The following AKAP7 variants were observed in gnomAD, a reference collection of about 807,000 sequenced individuals.
AKAP7 encodes the protein A kinase (PRKA) anchor protein 7.
Under a neutral mutation model 39.5 loss-of-function variants are expected in AKAP7, and 39 were observed. That is an observed-to-expected ratio of 0.99 (90% CI 0.76 to 1.29). The LOEUF (loss-of-function observed/expected upper bound fraction) is 1.29. AKAP7 is among the 50% of genes most tolerant of loss of function. The pLI is 0.00. For synonymous variants in AKAP7, 140 were observed against 139.1 expected, an observed-to-expected ratio of 1.01 and a Z score of -0.05; for missense variants, 414 against 407.7, an observed-to-expected ratio of 1.02 and a Z score of -0.13.
chr6:131,142,339 T>A (rs1054160676), intron 1 of AKAP7, among the ~76,000 whole-genome samples: 5 of 152,216 alleles, frequency 3.3e-5, no homozygotes, highest in Non-Finnish European at 5.9e-5. Flanking sequence ...AGGGGCATGC[T>A]GCCATGTGCA....
At chr6:131,232,974 G>A (rs1810751316) in intron 7 of AKAP7, among the ~76,000 whole-genome samples, 1 of 144,492 alleles carries the variant, frequency 6.9e-6, no homozygotes, top group Admixed American at 7.0e-5. Flanking sequence ...TTCCTTATTG[G>A]CGTGTGATCA....
At position 131,281,425 on chromosome 6, in the gene AKAP7, A is replaced by G. The variant is rs1482003839; in HGVS notation, c.851-105A>G. ...CACTGTTCTTGAATTTATAGATCCA[A>G]TTTACACTTGCTCTTTTTAACCAAT... On this transcript the variant is annotated intron_variant, in intron 7 of 7. Coordinates refer to ENST00000431975, the MANE Select transcript of AKAP7 (RefSeq NM_016377.4). This position sits in a 1 kb window ranked among gnomAD's most constrained non-coding sequence, Gnocchi z 4.0. 2.1e-5 allele frequency: 19 copies of G among 914,102 alleles called. No homozygotes were observed. In the East Asian group the frequency reaches 3.1e-4, roughly 15 times the overall value. 56.6% of individuals were successfully genotyped at this position (914,102 alleles called of 1,614,324 possible).
At chr6:131,145,587 C>T (rs1241463889) in intron 2 of AKAP7, among the ~76,000 whole-genome samples, 171 bp downstream of exon 2, 2 of 152,150 alleles carry the variant, frequency 1.3e-5, no homozygotes, top group Non-Finnish European at 1.5e-5. Context: ...CTTGCTCTGT[C>T]ATCTAGGCTG....
chr6:131,264,111 C>T (rs3777490), intron 7 of AKAP7, among the ~76,000 whole-genome samples: 17,682 of 151,962 alleles, frequency 0.12, 1,180 homozygotes, highest in Admixed American at 0.19. Context: ...GGGATTTAAC[C>T]AAAAAGGAAT....
At chr6:131,133,406 T>C (rs1800369698), upstream of AKAP7, among the ~76,000 whole-genome samples, 1 of 152,250 alleles carries the variant, frequency 6.6e-6, no homozygotes, top group Non-Finnish European at 1.5e-5. Context: ...TCTTTGCTTT[T>C]TGGCACAAGA....
chr6:131,278,445 A>T (rs937451098), intron 7 of AKAP7, among the ~76,000 whole-genome samples: 9 of 152,198 alleles, frequency 5.9e-5, no homozygotes, highest in African/African-American at 2.2e-4. Context: ...GTGGAGGCTC[A>T]TCAGTTCCAG....
chr6:131,234,948 C>T (rs1480087611), intron 7 of AKAP7, among the ~76,000 whole-genome samples: 1 of 151,672 alleles, frequency 6.6e-6, no homozygotes, highest in African/African-American at 2.4e-5. Flanking sequence ...GGTACATGTG[C>T]ACAACGTGCA....
the AKAP7 span, among the ~76,000 whole-genome samples, chr6:131,127,663 A>G: frequency 6.6e-6 from 1 of 152,248 alleles, no homozygotes; most frequent in South Asian, 2.1e-4. Context: ...AAATGTTTTC[A>G]GTATATATGA....
chr6:131,161,001 GA>G (rs978663944), intron 3 of AKAP7, among the ~76,000 whole-genome samples: 1 of 148,064 alleles, frequency 6.8e-6, no homozygotes, highest in African/African-American at 2.5e-5. Context: ...GCCCAATTAC[GA>G]GCCAGATTTG....
intron 7 of AKAP7, among the ~76,000 whole-genome samples, chr6:131,252,284 A>G (rs987939126): frequency 2.6e-5 from 4 of 152,218 alleles, no homozygotes; most frequent in African/African-American, 4.8e-5. Flanking sequence ...ATAGAACTCT[A>G]TATCTGAAAT....
intron 7 of AKAP7, among the ~76,000 whole-genome samples, chr6:131,247,352 GTCTC>G (rs1324105764): frequency 1.6e-5 from 2 of 126,160 alleles, no homozygotes; most frequent in Admixed American, 1.8e-4. Flanking sequence ...CCGAGATGGA[GTCTC>G]TCTCTGTCAC....
At chr6:131,183,439 C>T (rs1396079319) in intron 5 of AKAP7, among the ~76,000 whole-genome samples, 1 of 152,052 alleles carries the variant, frequency 6.6e-6, no homozygotes, top group Admixed American at 6.5e-5. Flanking sequence ...TGCCCAGGTC[C>T]AGGAAGAACA....
intron 5 of AKAP7, among the ~76,000 whole-genome samples, chr6:131,197,349 C>T (rs768377513): frequency 6.6e-6 from 1 of 152,126 alleles, no homozygotes; most frequent in Non-Finnish European, 1.5e-5. Context: ...ATTGCTGGCT[C>T]AAAATGCTTG....
At chr6:131,221,684 C>G (rs1475087342) in intron 7 of AKAP7, among the ~76,000 whole-genome samples, 3 of 152,174 alleles carry the variant, frequency 2.0e-5, no homozygotes, top group Admixed American at 2.0e-4. Context: ...TCCAAAAATC[C>G]TAGGGACCTT....
In AKAP7 at chr6:131,197,188, C is replaced by G. The variant is rs1807023987; in HGVS notation, c.590-2273C>G. Among the ~76,000 whole-genome samples, 4 of 151,984 alleles carry G rather than the reference C, an allele frequency of 2.6e-5. No individual in the cohort carries two copies. In the South Asian group the frequency reaches 8.3e-4, roughly 32 times the overall value. Reference sequence around the variant, plus strand: ...TAATTCTAATTAATTTTATTATCTTCATGGTGGTCATATGGTTATTTATCA... The same window carrying G: ...TAATTCTAATTAATTTTATTATCTTGATGGTGGTCATATGGTTATTTATCA... On this transcript the variant is annotated intron_variant, in intron 5 of 7. Transcript: ENST00000431975.
At chr6:131,151,269 G>A (rs1368579633) in intron 2 of AKAP7, among the ~76,000 whole-genome samples, 3 of 151,064 alleles carry the variant, frequency 2.0e-5, no homozygotes, top group African/African-American at 4.9e-5. Flanking sequence ...TTTCAAACTC[G>A]TGGGCTCAAG....
chr6:131,195,937 A>C (rs188536797), intron 5 of AKAP7, among the ~76,000 whole-genome samples: 13 of 152,250 alleles, frequency 8.5e-5, no homozygotes, highest in African/African-American at 3.1e-4. Flanking sequence ...CTTTGAATTA[A>C]ATCTGCATGG....
rs914995408 is a variant in AKAP7, at chr6:131,135,520, G to A, written c.-244G>A. The stretch of plus-strand genomic sequence containing the variant: ...TGCGGGTGCTGCGGCTGCTGCGGCT[G>A]CCGCCGCCGCTGCTGCCGCTGCCGC... On this transcript the variant is annotated 5_prime_UTR_variant, in exon 1 of 8. Coordinates refer to ENST00000431975, the MANE Select transcript of AKAP7 (RefSeq NM_016377.4). 1.8e-5 allele frequency: 3 copies of A among 166,372 alleles called. No homozygotes were observed. Among genetic ancestry groups the A allele is most frequent in the Non-Finnish European group, 2.5e-5 (2 of 81,282 alleles). The allele number at this position is 166,372 out of a possible 1,614,324, so 10.3% of individuals were successfully genotyped here.
intron 2 of AKAP7, 34 bp from the exon 3 acceptor site, chr6:131,160,025 G>A (rs762322691): frequency 1.4e-5 from 22 of 1,528,206 alleles, no homozygotes; most frequent in African/African-American, 2.8e-5. Flanking sequence ...TTGTTTAAAT[G>A]TATTAGACGT....
Sources: allele counts gnomAD v4.1 joint callset (sites outside exome capture counted in the v4.1 genomes callset), GRCh38; gene constraint gnomAD v4.1.1; non-coding constraint Gnocchi (gnomAD v3.1); transcripts MANE v1.5; gene names NCBI Gene and HGNC (gene_info 2026-07-23, HGNC 2026-07-21).